The following NAF1 variants were observed in gnomAD, a reference collection of about 807,000 sequenced individuals.
NAF1 encodes H/ACA ribonucleoprotein complex non-core subunit NAF1.
Under a neutral mutation model 40.6 loss-of-function variants are expected in NAF1, and 11 were observed. That is an observed-to-expected ratio of 0.27 (90% CI 0.17 to 0.45). The LOEUF (loss-of-function observed/expected upper bound fraction) is 0.45, where lower values mean the gene tolerates loss of function less well. NAF1 is among the 20% of genes least tolerant of loss of function. NAF1 has a pLI of 1.00. For synonymous variants in NAF1, 260 were observed against 228.5 expected, an observed-to-expected ratio of 1.14 and a Z score of -1.24; for missense variants, 607 against 611.1, an observed-to-expected ratio of 0.99 and a Z score of 0.07.
At chr4:163,147,080 C>T (rs1442689187) in intron 3 of NAF1, among the ~76,000 whole-genome samples, 1 of 151,868 alleles carries the variant, frequency 6.6e-6, no homozygotes, top group Non-Finnish European at 1.5e-5. Context: ...TTATTAAATA[C>T]CATAACTCTA....
rs764758495 is a variant in NAF1, at chr4:163,166,751, G to A, written c.-24C>T. On this transcript the variant is annotated 5_prime_UTR_variant, in exon 1 of 8. Coordinates refer to ENST00000274054, the MANE Select transcript of NAF1 (RefSeq NM_138386.3). ...ATCGCACCGCGCCAGAAACCGGGTC[G>A]GCCTCAGGATTGGGGCCCCTGGACA... The A allele has an allele frequency of 6.2e-7, 1 of 1,612,566 alleles. No homozygotes were observed. Among genetic ancestry groups the A allele is most frequent in the Non-Finnish European group, 8.5e-7 (1 of 1,179,640 alleles).
intron 7 of NAF1, among the ~76,000 whole-genome samples, chr4:163,130,268 A>C (rs1730820036): frequency 6.6e-6 from 1 of 152,208 alleles, no homozygotes; most frequent in Non-Finnish European, 1.5e-5. Flanking sequence ...AAATCAAGCA[A>C]GGGTGTCACA....
chr4:163,150,044 T>C (rs1358855714), intron 2 of NAF1, among the ~76,000 whole-genome samples: 1 of 152,066 alleles, frequency 6.6e-6, no homozygotes, highest in South Asian at 2.1e-4. Flanking sequence ...AATTATAAGA[T>C]CTAAAACAAA....
At chr4:163,114,947 G>GT (rs1299750330) in intron 2 of NAF1, among the ~76,000 whole-genome samples, 1 of 151,884 alleles carries the variant, frequency 6.6e-6, no homozygotes, top group Non-Finnish European at 1.5e-5. Context: ...ATTTTCATAA[G>GT]TTTTTCTAGA....
intron 2 of NAF1, among the ~76,000 whole-genome samples, chr4:163,153,105 A>C (rs1731794828): frequency 6.6e-6 from 1 of 152,216 alleles, no homozygotes; most frequent in South Asian, 2.1e-4. Flanking sequence ...CGGGACCTGC[A>C]GCCCGCCATG....
intron 2 of NAF1, chr4:163,110,327 GAGAA>G (rs1305107335): frequency 1.4e-5 from 10 of 695,054 alleles, no homozygotes; most frequent in Non-Finnish European, 2.6e-5. Context: ...TATTTTGAGA[GAGAA>G]AGAATACATT....
chr4:163,143,318 T>C (rs975031986), intron 4 of NAF1, among the ~76,000 whole-genome samples: 6 of 152,174 alleles, frequency 3.9e-5, no homozygotes, highest in South Asian at 2.1e-4. Flanking sequence ...ACAGCTATAA[T>C]GTAGGATCTG....
intron 2 of NAF1, among the ~76,000 whole-genome samples, chr4:163,155,462 TTGTC>T (rs1303012342): frequency 3.9e-5 from 6 of 152,136 alleles, no homozygotes; most frequent in South Asian, 2.1e-4. Context: ...AAGTCAGTCT[TTGTC>T]TGAGCAGAAA....
intron 7 of NAF1, among the ~76,000 whole-genome samples, chr4:163,130,453 A>T (rs184110296): frequency 6.6e-6 from 1 of 152,214 alleles, no homozygotes; most frequent in Admixed American, 6.5e-5. Flanking sequence ...TAAAAACTCA[A>T]TGGAACAATA....
chr4:163,137,200 T>G lies in NAF1; in HGVS notation c.929A>C (p.Glu310Ala). ...TTGCATAAAAAGACTTATACTTACC[T>G]CTGGTGGTGGTTCCTGATCATTCTT... Reference protein sequence around the residue: ...SWKNDQEPPPEALDFSDDEKE... With the variant: ...SWKNDQEPPPAALDFSDDEKE... Residue 310 changes from glutamate to alanine, a missense_variant and splice_region_variant, in exon 6 of 8, where the codon GAG (glutamate) becomes GCG (alanine). Physicochemically the swap from Glu to Ala is moderately radical, Grantham distance 107. Coordinates refer to ENST00000274054, the MANE Select transcript of NAF1 (RefSeq NM_138386.3). 6.2e-7 allele frequency: 1 copy of G among 1,612,614 alleles called. No homozygotes were observed. The highest frequency in any genetic ancestry group is 8.5e-7 in the Non-Finnish European group (1 of 1,178,888).
intron 2 of NAF1, among the ~76,000 whole-genome samples, chr4:163,160,527 A>G: frequency 6.6e-6 from 1 of 152,212 alleles, no homozygotes; most frequent in East Asian, 1.9e-4. Context: ...GTTAGATCGC[A>G]GAGATCGAAC....
Position 163,160,562 on chromosome 4 carries a change from G to A in NAF1, c.540+3655C>T, listed in dbSNP as rs536593950. Among the ~76,000 whole-genome samples, 6 of 152,236 alleles carry A rather than the reference G, an allele frequency of 3.9e-5. No individual in the cohort carries two copies. In the East Asian group the frequency reaches 9.7e-4, roughly 25 times the overall value. On this transcript the variant is annotated intron_variant, in intron 2 of 7. Coordinates refer to ENST00000274054, the MANE Select transcript of NAF1 (RefSeq NM_138386.3). ...CAACCCACAATGGAAAGATTTAAAG[G>A]GATAGATCCAGAGAGGCGACATTCC...
intron 5 of NAF1, among the ~76,000 whole-genome samples, chr4:163,137,575 A>T (rs917622729): frequency 6.6e-6 from 1 of 152,188 alleles, no homozygotes; most frequent in Non-Finnish European, 1.5e-5. Context: ...TTTAAAAAAA[A>T]TGCTTATTTC....
chr4:163,118,534 C>A (rs1730419305), intron 2 of NAF1, among the ~76,000 whole-genome samples: 1 of 152,168 alleles, frequency 6.6e-6, no homozygotes, highest in Non-Finnish European at 1.5e-5. Context: ...AGGTGGATCA[C>A]CCAAGGTCAG....
chr4:163,151,754 A>C (rs1308843929), intron 2 of NAF1, among the ~76,000 whole-genome samples: 1 of 152,080 alleles, frequency 6.6e-6, no homozygotes, highest in Non-Finnish European at 1.5e-5. Flanking sequence ...ACACTTCAGA[A>C]CTATTTTGTC....
At position 163,110,804 on chromosome 4, in the gene NAF1, A is replaced by G. The variant is rs75666978; in HGVS notation, c.115-514T>C. ...AAATTGATGAGCTCTAGCACTTTGT[A>G]GCGTAGTTATTTACATATTTAGTCT... On this transcript the variant is annotated intron_variant, in intron 2 of 2. Coordinates refer to the NAF1 transcript ENST00000509434. 4.2e-3 allele frequency among the ~76,000 whole-genome samples: 636 copies of G among 152,266 alleles called. 27 individuals carry two copies. The East Asian group carries it at 0.058, about 14-fold the overall frequency.
chr4:163,164,873 A>G (rs542413597), intron 1 of NAF1, among the ~76,000 whole-genome samples: 2 of 152,314 alleles, frequency 1.3e-5, no homozygotes, highest in East Asian at 3.9e-4. Flanking sequence ...AGACCATTCT[A>G]CTTTCTGAAA....
chr4:163,106,033 A>G (rs1385016454), downstream of NAF1, among the ~76,000 whole-genome samples: 4 of 152,176 alleles, frequency 2.6e-5, no homozygotes, highest in Admixed American at 2.0e-4. Flanking sequence ...TAGTCTAATC[A>G]TTTAAAGGAT....
At chr4:163,114,091 G>A (rs1160918393) in intron 2 of NAF1, among the ~76,000 whole-genome samples, 1 of 152,208 alleles carries the variant, frequency 6.6e-6, no homozygotes, top group Admixed American at 6.5e-5. Context: ...GGAAAGACTG[G>A]AAGAGAATGG....
Sources: gnomAD v4.1 joint callset for allele counts (sites outside exome capture counted in the v4.1 genomes callset) on GRCh38, gnomAD v4.1.1 for gene constraint, MANE v1.5 for transcripts, NCBI Gene and HGNC (gene_info 2026-07-23, HGNC 2026-07-21) for gene names.